Variants in PARD3B observed in about 807,000 individuals in gnomAD.
PARD3B encodes the protein par-3 family cell polarity regulator beta.
A neutral mutation model predicts 130.2 loss-of-function variants in PARD3B; 103 were observed. That is an observed-to-expected ratio of 0.79 (90% CI 0.67 to 0.93). The LOEUF (loss-of-function observed/expected upper bound fraction) is 0.93. PARD3B is among the 40% of genes least tolerant of loss of function. The pLI is 0.00. For synonymous variants in PARD3B, 583 were observed against 553.2 expected (o/e 1.05, Z -0.76); for missense variants, 1,609 against 1,499.2 (o/e 1.07, Z -1.21).
intron 11 of PARD3B, 140 bp downstream of exon 11, chr2:205,159,047 G>C: frequency 2.3e-6 from 2 of 858,612 alleles, no homozygotes; most frequent in South Asian, 3.4e-5. Flanking sequence ...ATATATGTGT[G>C]AACAGATCTG....
chr2:205,615,821 C>T lies in PARD3B; in HGVS notation c.*8C>T, dbSNP rs145086658. 1.5e-4 allele frequency: 248 copies of T among 1,601,194 alleles called. No individual in the cohort carries two copies. The African/African-American group carries it at 3.0e-3, about 19-fold the overall frequency. ...ATGACTGCAGCCGTATAGCTGAGTG[C>T]CACCGAGGCCAGCCCGGTCCAGAAA... On this transcript the variant is annotated 3_prime_UTR_variant, in exon 23 of 23. Transcript: ENST00000406610.
chr2:205,314,053 A>C (rs988645243), intron 18 of PARD3B, among the ~76,000 whole-genome samples: 1 of 152,166 alleles, frequency 6.6e-6, no homozygotes, highest in African/African-American at 2.4e-5. Flanking sequence ...GTATTTGCCT[A>C]ATTTACATTG....
intron 3 of PARD3B, among the ~76,000 whole-genome samples, chr2:204,975,840 C>A (rs1331935600): frequency 6.6e-6 from 1 of 152,190 alleles, no homozygotes; most frequent in Admixed American, 6.5e-5. Context: ...TGAGAAGGAG[C>A]AACTTGGCCA....
At chr2:205,203,015 C>T (rs2037074986) in intron 15 of PARD3B, among the ~76,000 whole-genome samples, 1 of 152,052 alleles carries the variant, frequency 6.6e-6, no homozygotes, top group Non-Finnish European at 1.5e-5. Flanking sequence ...CAGTTTTTCA[C>T]TGAGTGTATT....
intron 18 of PARD3B, among the ~76,000 whole-genome samples, chr2:205,307,746 A>G (rs1252090340): frequency 1.3e-5 from 2 of 152,196 alleles, no homozygotes; most frequent in Non-Finnish European, 2.9e-5. Flanking sequence ...AACCTTGTCA[A>G]TCCTTATGTT....
At chr2:204,580,774 A>G (rs973308113) in intron 1 of PARD3B, among the ~76,000 whole-genome samples, 3 of 152,218 alleles carry the variant, frequency 2.0e-5, no homozygotes, top group African/African-American at 7.2e-5. Flanking sequence ...GCTCTATAAG[A>G]GAGACTGTGA....
intron 1 of PARD3B, among the ~76,000 whole-genome samples, chr2:204,666,717 T>C (rs1559042226): frequency 6.6e-6 from 1 of 151,834 alleles, no homozygotes; most frequent in African/African-American, 2.4e-5. Context: ...CCATTTGCTA[T>C]GAAAAAAAAA....
intron 3 of PARD3B, among the ~76,000 whole-genome samples, chr2:204,973,970 C>A (rs997578620): frequency 6.6e-6 from 1 of 152,148 alleles, no homozygotes. Context: ...ATATCACCAC[C>A]ACACCCTGTC....
rs535220201 is a variant in PARD3B, at chr2:205,431,565, G to A, written c.2742-8805G>A. 1.1e-4 allele frequency among the ~76,000 whole-genome samples: 16 copies of A among 151,818 alleles called. 1 individual carries two copies. In the East Asian group the frequency reaches 3.1e-3, roughly 29 times the overall value. ...GCTCACCGCAAGCTCTGCCTCCCCG[G>A]TTCTTGCCATTCTCCTGCCTCAGCC... On this transcript the variant is annotated intron_variant, in intron 19 of 22. Transcript: ENST00000406610.
At chr2:205,157,359 G>A (rs1378427555) in intron 10 of PARD3B, among the ~76,000 whole-genome samples, 2 of 152,112 alleles carry the variant, frequency 1.3e-5, no homozygotes, top group African/African-American at 2.4e-5. Context: ...GAGCTAACTT[G>A]TAATAGATTT....
intron 1 of PARD3B, among the ~76,000 whole-genome samples, chr2:204,558,591 C>A (rs890457043): frequency 6.6e-6 from 1 of 152,128 alleles, no homozygotes; most frequent in Admixed American, 6.5e-5. Flanking sequence ...TAGGAAGAAT[C>A]AATATCGTGA....
chr2:204,612,640 T>G (rs1333432071), intron 1 of PARD3B, among the ~76,000 whole-genome samples: 1 of 152,182 alleles, frequency 6.6e-6, no homozygotes, highest in Non-Finnish European at 1.5e-5. Flanking sequence ...GTATTCCTCT[T>G]ATTGATATTT....
rs1233678706 is a variant in PARD3B at position 205,011,508 on chromosome 2, A to C, written c.395-36073A>C. On this transcript the variant is annotated intron_variant, in intron 3 of 22. Coordinates refer to ENST00000406610, the MANE Select transcript of PARD3B (RefSeq NM_001302769.2). This position sits in a 1 kb window ranked among gnomAD's most constrained non-coding sequence, Gnocchi z 4.1. ...TTTATAACCTAATCTCAGAATGGACATACCAGTACTTCTTTCTGTCATATT... is the reference window on the plus strand; with the variant it reads ...TTTATAACCTAATCTCAGAATGGACCTACCAGTACTTCTTTCTGTCATATT... Among the ~76,000 whole-genome samples, 1 of 152,202 alleles carries C rather than the reference A, an allele frequency of 6.6e-6. No homozygotes were observed. Among genetic ancestry groups the C allele is most frequent in the Non-Finnish European group, 1.5e-5 (1 of 68,040 alleles).
chr2:205,009,192 CAT>C (rs1695510885), intron 3 of PARD3B, among the ~76,000 whole-genome samples: 1 of 152,078 alleles, frequency 6.6e-6, no homozygotes, highest in South Asian at 2.1e-4. Context: ...ACTAAAATAA[CAT>C]AAAATTGGTA....
intron 2 of PARD3B, among the ~76,000 whole-genome samples, chr2:204,764,678 TGGCTACCTGACCAGCA>T (rs2041058356): frequency 6.6e-6 from 1 of 150,516 alleles, no homozygotes; most frequent in South Asian, 2.1e-4. Flanking sequence ...CTGGGCAAGT[TGGCTACCTGACCAGCA>T]GGCTGAATCT....
intron 1 of PARD3B, among the ~76,000 whole-genome samples, chr2:204,548,421 G>A (rs1044222933): frequency 5.3e-5 from 8 of 152,060 alleles, no homozygotes; most frequent in Non-Finnish European, 8.8e-5. Context: ...TAGGAGATAG[G>A]TACTATTATT....
chr2:205,481,344 G>C (rs1252205935), intron 20 of PARD3B, among the ~76,000 whole-genome samples: 2 of 152,120 alleles, frequency 1.3e-5, no homozygotes, highest in Non-Finnish European at 2.9e-5. Context: ...GGAGGCTGGG[G>C]TGGTGTCGAC....
intron 2 of PARD3B, among the ~76,000 whole-genome samples, chr2:204,735,856 C>T (rs1018330494): frequency 3.3e-5 from 5 of 152,080 alleles, no homozygotes; most frequent in African/African-American, 4.8e-5. Context: ...AATTCACATC[C>T]GCATAAGGCA....
Position 205,446,840 on chromosome 2 carries a change from A to G in PARD3B, c.3044+6168A>G, listed in dbSNP as rs562955005. Among the ~76,000 whole-genome samples the G allele has an allele frequency of 1.3e-5, 2 of 152,356 alleles. No homozygotes were observed. Among genetic ancestry groups the G allele is most frequent in the African/African-American group, 4.8e-5 (2 of 41,594 alleles). ...GTTAGTTTTCCACCGCAATGCCAGC[A>G]TTGAAAGGGCTCCCAGAGTGTATGA... is the stretch of plus-strand genomic sequence containing the variant. On this transcript the variant is annotated intron_variant, in intron 20 of 22. Coordinates refer to ENST00000406610, the MANE Select transcript of PARD3B (RefSeq NM_001302769.2). The surrounding 1 kb of genome is among the most constrained non-coding windows in gnomAD (Gnocchi z 4.4).
Sources: allele counts gnomAD v4.1 joint callset (sites outside exome capture counted in the v4.1 genomes callset), GRCh38; gene constraint gnomAD v4.1.1; non-coding constraint Gnocchi (gnomAD v3.1); transcripts MANE v1.5; gene names NCBI Gene and HGNC (gene_info 2026-07-23, HGNC 2026-07-21).